The following EVL variants were observed in gnomAD, a reference collection of about 807,000 sequenced individuals.
The protein encoded by EVL is Enah/Vasp-like.
Under a neutral mutation model 59.6 loss-of-function variants are expected in EVL, and 21 were observed. The observed-to-expected ratio is 0.35, with a 90% CI of 0.25 to 0.51. EVL has a LOEUF of 0.51. EVL is among the 20% of genes least tolerant of loss of function. The pLI is 0.97. For synonymous variants in EVL, 198 were observed against 203.5 expected (o/e 0.97, Z 0.23); for missense variants, 462 against 546.6 (o/e 0.85, Z 1.54).
intron 11 of EVL, 24 bp downstream of exon 11, chr14:100,137,826 C>G: frequency 6.2e-7 from 1 of 1,612,536 alleles, no homozygotes. Flanking sequence ...CTCCTGCTCA[C>G]ATGTCCCCCA....
At chr14:100,128,880 G>A in intron 6 of EVL, 132 bp downstream of exon 6, 2 of 730,752 alleles carry the variant, frequency 2.7e-6, no homozygotes, top group East Asian at 2.6e-5. Flanking sequence ...GCTGGCCCTT[G>A]GCCACTTGTT....
At chr14:100,137,547 G>T in intron 9 of EVL, 31 bp from the exon 10 acceptor site, 1 of 1,612,154 alleles carries the variant, frequency 6.2e-7, no homozygotes, top group Non-Finnish European at 8.5e-7. Context: ...CTTCACCTGT[G>T]AGGTTCTTCA....
chr14:100,137,214 G>GC (rs1888853992), intron 9 of EVL: 3 of 300,172 alleles, frequency 1.0e-5, no homozygotes, highest in African/African-American at 2.1e-5. Flanking sequence ...CAGGTGCCGG[G>GC]CCGAGGGGCC....
chr14:100,142,077 A>C (rs1889207693), intron 13 of EVL: 1 of 322,322 alleles, frequency 3.1e-6, no homozygotes, highest in South Asian at 4.7e-5. Flanking sequence ...AAGAGCATGG[A>C]GGGGAGACCC....
intron 3 of EVL, chr14:100,107,543 C>T (rs556937796): frequency 1.7e-4 from 63 of 372,538 alleles, no homozygotes; most frequent in Non-Finnish European, 2.6e-4. Flanking sequence ...CTAGCATTCC[C>T]TCATGAAAGA....
chr14:100,087,166 A>G (rs781241751), intron 2 of EVL, among the ~76,000 whole-genome samples: 1 of 152,212 alleles, frequency 6.6e-6, no homozygotes, highest in Non-Finnish European at 1.5e-5. Context: ...AAGAATTATC[A>G]TCACCATTTT....
intron 1 of EVL, among the ~76,000 whole-genome samples, chr14:99,992,714 C>T (rs1171951289): frequency 1.3e-5 from 2 of 152,050 alleles, no homozygotes; most frequent in Non-Finnish European, 2.9e-5. Flanking sequence ...TCTTTGTGCC[C>T]TTGTTGAAGA....
At chr14:100,029,438 A>G (rs1039237084) in intron 1 of EVL, among the ~76,000 whole-genome samples, 2 of 152,232 alleles carry the variant, frequency 1.3e-5, no homozygotes, top group African/African-American at 4.8e-5. Context: ...TATAAGCCAC[A>G]GTAGAAAATG....
At chr14:100,141,887 G>A (rs1255573644) in intron 13 of EVL, 94 bp downstream of exon 13, 5 of 1,151,292 alleles carry the variant, frequency 4.3e-6, no homozygotes, top group Non-Finnish European at 6.2e-6. Flanking sequence ...GTTTTGAGCT[G>A]GAGCCCATAC....
chr14:100,124,789 G>C (rs1404707571), intron 4 of EVL, among the ~76,000 whole-genome samples: 1 of 152,182 alleles, frequency 6.6e-6, no homozygotes, highest in African/African-American at 2.4e-5. Context: ...CCGCAGTGCT[G>C]AATTCTGTAC....
intron 1 of EVL, among the ~76,000 whole-genome samples, chr14:99,987,629 C>T (rs2060847775): frequency 1.3e-5 from 2 of 151,978 alleles, no homozygotes; most frequent in South Asian, 4.2e-4. Flanking sequence ...GTGACAGGAG[C>T]GAGACTCTAT....
intron 1 of EVL, among the ~76,000 whole-genome samples, chr14:100,012,717 T>C (rs917989309): frequency 6.6e-6 from 1 of 152,220 alleles, no homozygotes; most frequent in African/African-American, 2.4e-5. Flanking sequence ...TGACACTTCC[T>C]TTGGCTTATG....
intron 1 of EVL, among the ~76,000 whole-genome samples, chr14:100,070,602 G>C (rs181686986): frequency 6.6e-6 from 1 of 152,194 alleles, no homozygotes; most frequent in African/African-American, 2.4e-5. Flanking sequence ...AGAGCAGGAC[G>C]CTTGTGTTAT....
chr14:99,995,961 C>G, intron 1 of EVL, among the ~76,000 whole-genome samples: 1 of 152,118 alleles, frequency 6.6e-6, no homozygotes, highest in East Asian at 1.9e-4. Flanking sequence ...GTACTGCACA[C>G]TCTCTGGTGC....
At chr14:100,020,842 G>A (rs1482989832) in intron 1 of EVL, among the ~76,000 whole-genome samples, 1 of 152,132 alleles carries the variant, frequency 6.6e-6, no homozygotes, top group Non-Finnish European at 1.5e-5. Context: ...TTGTTTAGTC[G>A]TGTGTCTCTG....
intron 7 of EVL, among the ~76,000 whole-genome samples, chr14:100,132,337 G>C (rs1888488358): frequency 6.6e-6 from 1 of 151,808 alleles, no homozygotes; most frequent in Non-Finnish European, 1.5e-5. Flanking sequence ...CTGTGGGACA[G>C]ACTGCAGCCC....
chr14:100,005,220 A>C (rs1310923723), intron 1 of EVL, among the ~76,000 whole-genome samples: 1 of 152,256 alleles, frequency 6.6e-6, no homozygotes, highest in Non-Finnish European at 1.5e-5. Context: ...GTTTTGAAAT[A>C]AAGACAACAG....
rs61264203 is a variant in EVL at position 100,087,765 on chromosome 14, C to CCTGCT, written c.180+2935_180+2939dup. ...GGTCCAGAAGAAGGGAGACTGCAGT[C>CCTGCT]CTGCTCTGCTCTGCTCTGCTCTGCT... On this transcript the variant is annotated intron_variant, in intron 2 of 13. Transcript: ENST00000392920. Among the ~76,000 whole-genome samples, 103 of 151,934 alleles carry CCTGCT rather than the reference C, an allele frequency of 6.8e-4. 1 individual carries two copies. Among genetic ancestry groups the CCTGCT allele is most frequent in the African/African-American group, 1.4e-3 (58 of 41,374 alleles).
At chr14:100,085,537 C>T (rs780255435) in intron 2 of EVL, among the ~76,000 whole-genome samples, 1 of 152,174 alleles carries the variant, frequency 6.6e-6, no homozygotes, top group African/African-American at 2.4e-5. Flanking sequence ...TATAGATTGA[C>T]AAGAGCATTT....
Sources: gnomAD v4.1 joint callset for allele counts (sites outside exome capture counted in the v4.1 genomes callset) on GRCh38, gnomAD v4.1.1 for gene constraint, MANE v1.5 for transcripts, NCBI Gene and HGNC (gene_info 2026-07-23, HGNC 2026-07-21) for gene names.